Variants in RSL24D1 observed in about 807,000 individuals in gnomAD.
RSL24D1 encodes ribosomal L24 domain containing 1.
A neutral mutation model predicts 26.2 loss-of-function variants in RSL24D1; 6 were observed. The ratio of observed to expected loss-of-function variants is 0.23; its 90% CI spans 0.13 to 0.45. The LOEUF is 0.45. Ranked by LOEUF, RSL24D1 falls within the 20% of genes least tolerant of loss-of-function variation. RSL24D1 has a pLI of 0.99. For synonymous variants in RSL24D1, 61 were observed against 59.1 expected, an observed-to-expected ratio of 1.03 and a Z score of -0.15; for missense variants, 176 against 202.6, an observed-to-expected ratio of 0.87 and a Z score of 0.80.
rs1894171136 is a variant in RSL24D1, at chr15:55,181,920, T to C, written c.*232A>G. The C allele has an allele frequency of 2.3e-6, 1 of 438,944 alleles. No homozygotes were observed. The highest frequency in any genetic ancestry group is 4.2e-5 in the South Asian group (1 of 23,874). 27.2% of individuals were successfully genotyped at this position (438,944 alleles called of 1,614,324 possible). ...TACGTCCACAATTCACTTCTATAGTTACAAGTAGAATTTTCATGATTTACT... is the reference window on the plus strand; with the variant it reads ...TACGTCCACAATTCACTTCTATAGTCACAAGTAGAATTTTCATGATTTACT... On this transcript the variant is annotated 3_prime_UTR_variant, in exon 6 of 6. Coordinates refer to ENST00000260443, the MANE Select transcript of RSL24D1 (RefSeq NM_016304.3).
At chr15:55,189,108 G>C (rs904155325) in intron 3 of RSL24D1, among the ~76,000 whole-genome samples, 2 of 150,224 alleles carry the variant, frequency 1.3e-5, no homozygotes, top group Non-Finnish European at 2.9e-5. Context: ...CAGGAAAATT[G>C]CTTGAACCCG....
rs1448480917 is a variant in RSL24D1, at chr15:55,181,402, A to G, written c.*750T>C. The G allele has an allele frequency of 1.3e-5, 2 of 152,674 alleles. No homozygotes were observed. The highest frequency in any genetic ancestry group is 1.3e-4 in the Admixed American group (2 of 15,272). The allele number at this position is 152,674 out of a possible 1,614,324, so 9.5% of individuals were successfully genotyped here. Reference sequence around the variant, plus strand: ...ACTTTCCAAAAACAGGAGCTTTTTAAAAGAAAACCACATAACAACTTTTAA... The same window carrying G: ...ACTTTCCAAAAACAGGAGCTTTTTAGAAGAAAACCACATAACAACTTTTAA... On this transcript the variant is annotated 3_prime_UTR_variant, in exon 6 of 6. Coordinates refer to ENST00000260443, the MANE Select transcript of RSL24D1 (RefSeq NM_016304.3).
rs13733 is a variant in RSL24D1, at chr15:55,196,906, A to T, written c.-16T>A. ...CGATACGCATGTTGAACCCGCGTGTAACCCCACCAAACAAACGCCAAGCTT... is the reference window on the plus strand; with the variant it reads ...CGATACGCATGTTGAACCCGCGTGTTACCCCACCAAACAAACGCCAAGCTT... On this transcript the variant is annotated 5_prime_UTR_variant, in exon 1 of 6. Transcript: ENST00000260443. 4.3e-6 allele frequency: 7 copies of T among 1,612,468 alleles called. No individual in the cohort carries two copies. In the South Asian group the frequency reaches 4.4e-5, roughly 10 times the overall value.
At position 55,181,213 on chromosome 15, in the gene RSL24D1, G is replaced by A. The variant is rs924560708; in HGVS notation, c.*939C>T. On this transcript the variant is annotated 3_prime_UTR_variant, in exon 6 of 6. Transcript: ENST00000260443. ...AGTATCTATTTCTCTTTAATTAAAT[G>A]TATCTCCTACTTAAATGGGATGTGT... 1.3e-5 allele frequency: 2 copies of A among 152,200 alleles called. No individual in the cohort carries two copies. Among genetic ancestry groups the A allele is most frequent in the Non-Finnish European group, 2.9e-5 (2 of 68,018 alleles). 9.4% of individuals were successfully genotyped at this position (152,200 alleles called of 1,614,324 possible). A position where few individuals can be genotyped will look rare whatever the true frequency, so the allele number is the denominator to read the frequency against.
In RSL24D1 at chr15:55,193,954, T is replaced by C. The variant is rs188623324; in HGVS notation, c.82-1121A>G. ...ATGAAAATCATTGTGAAATGAATTATATTTTGAGTATTTTCAGCCCAAAAT... is the reference window on the plus strand; with the variant it reads ...ATGAAAATCATTGTGAAATGAATTACATTTTGAGTATTTTCAGCCCAAAAT... On this transcript the variant is annotated intron_variant, in intron 1 of 5. Transcript: ENST00000260443. 7.8e-3 allele frequency among the ~76,000 whole-genome samples: 1,183 copies of C among 152,358 alleles called. 5 individuals carry two copies. Among genetic ancestry groups the C allele is most frequent in the Non-Finnish European group, 0.012 (837 of 68,024 alleles).
chr15:55,184,209 TG>T (rs1894200227), intron 4 of RSL24D1, among the ~76,000 whole-genome samples: 1 of 152,044 alleles, frequency 6.6e-6, no homozygotes, highest in African/African-American at 2.4e-5. Flanking sequence ...GATTCCAAGC[TG>T]GGGAAGAGGA....
chr15:55,185,282 A>C (rs28592928), intron 4 of RSL24D1, 80 bp downstream of exon 4: 20 of 1,097,360 alleles, frequency 1.8e-5, no homozygotes, highest in Non-Finnish European at 2.6e-5. Flanking sequence ...AAAATAAAAA[A>C]TTTTTTTAAA....
chr15:55,185,419 G>A lies in RSL24D1; in HGVS notation c.275C>T (p.Ala92Val), dbSNP rs144437295. The change falls in exon 4 of 6, where the codon GCG becomes GTG. Residue 92 changes from alanine to valine, a missense_variant. Physicochemically the swap from Ala to Val is moderately conservative, Grantham distance 64. Around this residue, in one of 3 missense-constraint regions of RSL24D1, gnomAD observed 89 missense variants for 135.1 expected, o/e 0.66. Coordinates refer to ENST00000260443, the MANE Select transcript of RSL24D1 (RefSeq NM_016304.3). ...QRELWNKTID[A>V]MKRVEEIKQK... ...TTTGATTTCTTCAACTCTCTTCATC[G>A]CATCAACTACAAAAAAATTCATGAG... 3.5e-5 allele frequency: 56 copies of A among 1,603,998 alleles called. No individual in the cohort carries two copies. Among genetic ancestry groups the A allele is most frequent in the Admixed American group, 6.9e-5 (4 of 58,004 alleles).
intron 5 of RSL24D1, among the ~76,000 whole-genome samples, chr15:55,183,073 G>A (rs188824034): frequency 4.6e-5 from 7 of 152,172 alleles, no homozygotes; most frequent in Admixed American, 1.3e-4. Flanking sequence ...AAATTATTAC[G>A]CAAATCATTT....
At chr15:55,190,105 A>C (rs1185808108) in intron 3 of RSL24D1, among the ~76,000 whole-genome samples, 1 of 152,048 alleles carries the variant, frequency 6.6e-6, no homozygotes, top group Non-Finnish European at 1.5e-5. Flanking sequence ...AAAATTAGCC[A>C]GGTGTAGTGG....
At chr15:55,193,518 G>A (rs936571363) in intron 1 of RSL24D1, among the ~76,000 whole-genome samples, 2 of 152,124 alleles carry the variant, frequency 1.3e-5, no homozygotes. Flanking sequence ...GGAGGAAATG[G>A]GAAGAGAAAA....
chr15:55,186,308 T>TA (rs1289198835), intron 3 of RSL24D1, among the ~76,000 whole-genome samples: 1 of 152,140 alleles, frequency 6.6e-6, no homozygotes, highest in Non-Finnish European at 1.5e-5. Context: ...TATATAGTCT[T>TA]AAAGTATCTC....
intron 3 of RSL24D1, among the ~76,000 whole-genome samples, chr15:55,185,653 CAA>C (rs1047760768): frequency 6.6e-6 from 1 of 152,142 alleles, no homozygotes; most frequent in Non-Finnish European, 1.5e-5. Context: ...TTTTATCTGA[CAA>C]AAGTCTCTAC....
At chr15:55,195,974 G>A (rs1022705382) in intron 1 of RSL24D1, among the ~76,000 whole-genome samples, 11 of 152,294 alleles carry the variant, frequency 7.2e-5, no homozygotes, top group South Asian at 2.1e-4. Flanking sequence ...TAAACGCCCA[G>A]TAATTCAGAA....
rs143305640 is a variant in RSL24D1, at chr15:55,187,195, T to C, written c.269-1770A>G. ...CTCTAGTATTAAAGCAATGTTTGTA[T>C]AAATAACTCTAAGAAAATGTCAACT... On this transcript the variant is annotated intron_variant, in intron 3 of 5. Coordinates refer to ENST00000260443, the MANE Select transcript of RSL24D1 (RefSeq NM_016304.3). 7.5e-4 allele frequency among the ~76,000 whole-genome samples: 114 copies of C among 152,320 alleles called. 2 individuals carry two copies. In the East Asian group the frequency reaches 0.021, roughly 28 times the overall value.
chr15:55,196,262 G>GC (rs1894354542), intron 1 of RSL24D1: 29 of 448,748 alleles, frequency 6.5e-5, no homozygotes, highest in South Asian at 4.4e-4. Flanking sequence ...CACTTAGAAG[G>GC]CCCCCTCCGC....
At chr15:55,196,672 G>T in intron 1 of RSL24D1, 138 bp downstream of exon 1, 1 of 764,238 alleles carries the variant, frequency 1.3e-6, no homozygotes, top group Non-Finnish European at 2.2e-6. Context: ...CGGAGGCCCA[G>T]TTAAGCCACC....
At chr15:55,195,591 C>T (rs1191099832) in intron 1 of RSL24D1, 1 of 152,190 alleles carries the variant, frequency 6.6e-6, no homozygotes, top group African/African-American at 2.4e-5. Context: ...CGACAAGCAT[C>T]CTGGACGAAA....
intron 4 of RSL24D1, among the ~76,000 whole-genome samples, chr15:55,184,851 C>T (rs1018013406): frequency 2.6e-5 from 4 of 152,116 alleles, no homozygotes; most frequent in African/African-American, 9.7e-5. Context: ...AGGAAGGTAT[C>T]AGACAAACCC....
Sources: gnomAD v4.1 joint callset for allele counts (sites outside exome capture counted in the v4.1 genomes callset) on GRCh38, gnomAD v4.1.1 for gene constraint, gnomAD v4.1.1 regional missense constraint, MANE v1.5 for transcripts, NCBI Gene and HGNC (gene_info 2026-07-23, HGNC 2026-07-21) for gene names.